Variants in FAM193A observed in about 807,000 individuals in gnomAD.
FAM193A encodes protein FAM193A.
A neutral mutation model predicts 126.5 loss-of-function variants in FAM193A; 22 were observed. The ratio of observed to expected loss-of-function variants is 0.17; its 90% CI spans 0.12 to 0.25. The LOEUF is 0.25. Ranked by LOEUF, FAM193A falls within the 10% of genes least tolerant of loss-of-function variation. The pLI, the probability that FAM193A is intolerant of heterozygous loss-of-function variation, is 1.00. For synonymous variants in FAM193A, 761 were observed against 646.8 expected, an observed-to-expected ratio of 1.18 and a Z score of -2.68; for missense variants, 1,675 against 1,672.8, an observed-to-expected ratio of 1.00 and a Z score of -0.02.
intron 1 of FAM193A, among the ~76,000 whole-genome samples, chr4:2,555,268 T>C (rs1006797615): frequency 6.6e-6 from 1 of 152,222 alleles, no homozygotes; most frequent in Non-Finnish European, 1.5e-5. Context: ...GTTCAAATCA[T>C]AGGCCTCTAT....
At chr4:2,670,443 C>T (rs1010660835) in intron 12 of FAM193A, among the ~76,000 whole-genome samples, 1 of 152,026 alleles carries the variant, frequency 6.6e-6, no homozygotes, top group Non-Finnish European at 1.5e-5. Context: ...TATTTATTTC[C>T]TGCATGTGGG....
chr4:2,704,830 C>T (rs1461166978), intron 19 of FAM193A, among the ~76,000 whole-genome samples: 1 of 152,118 alleles, frequency 6.6e-6, no homozygotes, highest in East Asian at 1.9e-4. Context: ...AGGGCTATTT[C>T]TTTTTGTGTG....
chr4:2,560,181 G>C (rs552745507), intron 1 of FAM193A, among the ~76,000 whole-genome samples: 1 of 152,072 alleles, frequency 6.6e-6, no homozygotes, highest in Non-Finnish European at 1.5e-5. Context: ...GACCTCAGGT[G>C]ATCCACCCGC....
At chr4:2,658,833 C>T (rs920786821) in intron 8 of FAM193A, among the ~76,000 whole-genome samples, 2 of 152,216 alleles carry the variant, frequency 1.3e-5, no homozygotes, top group African/African-American at 4.8e-5. Context: ...TCACTGCAAC[C>T]TCTGCCTCCC....
chr4:2,707,713 A>ATTTTTTT (rs752751839), intron 19 of FAM193A, among the ~76,000 whole-genome samples: 1 of 130,822 alleles, frequency 7.6e-6, no homozygotes, highest in Non-Finnish European at 1.6e-5. Flanking sequence ...TATATTTCTT[A>ATTTTTTT]TTTTTTTTTT....
chr4:2,672,502 C>A, intron 13 of FAM193A, 130 bp downstream of exon 13: 1 of 929,752 alleles, frequency 1.1e-6, no homozygotes, highest in Non-Finnish European at 1.6e-6. Context: ...AGGAAGGTCT[C>A]CAAGTGTTTC....
chr4:2,602,211 A>AT (rs1489585412), intron 2 of FAM193A, among the ~76,000 whole-genome samples: 4 of 142,554 alleles, frequency 2.8e-5, no homozygotes, highest in East Asian at 1.9e-4. Flanking sequence ...GGTGAATGTG[A>AT]TTTAAAAAAA....
At chr4:2,606,283 C>T (rs1252346704) in intron 2 of FAM193A, among the ~76,000 whole-genome samples, 2 of 151,878 alleles carry the variant, frequency 1.3e-5, no homozygotes, top group East Asian at 1.9e-4. Flanking sequence ...AAATACTGAC[C>T]TCGTGATCCA....
chr4:2,579,048 G>A (rs1045078560), intron 1 of FAM193A, among the ~76,000 whole-genome samples: 1 of 151,826 alleles, frequency 6.6e-6, no homozygotes. Context: ...AAAAGAGATG[G>A]GGGTCTTGCT....
At chr4:2,539,714 G>C (rs1364718261) in intron 1 of FAM193A, among the ~76,000 whole-genome samples, 5 of 152,028 alleles carry the variant, frequency 3.3e-5, no homozygotes. Flanking sequence ...GCCTATCAAG[G>C]TTTTTGACCA....
At chr4:2,685,167 G>T (rs1715592390) in intron 13 of FAM193A, among the ~76,000 whole-genome samples, 1 of 152,152 alleles carries the variant, frequency 6.6e-6, no homozygotes, top group Non-Finnish European at 1.5e-5. Flanking sequence ...AGTGGCCACT[G>T]GGTTCTGGCC....
At chr4:2,651,031 G>A (rs886355234) in intron 7 of FAM193A, among the ~76,000 whole-genome samples, 3 of 152,102 alleles carry the variant, frequency 2.0e-5, no homozygotes, top group Admixed American at 2.0e-4. Flanking sequence ...TTTTCACACT[G>A]CTATAAAGAA....
chr4:2,665,346 T>C (rs190217465), intron 12 of FAM193A, among the ~76,000 whole-genome samples: 26 of 152,340 alleles, frequency 1.7e-4, no homozygotes, highest in Admixed American at 3.3e-4. Context: ...CTAGTAGGGT[T>C]GGTTCTAGTA....
At chr4:2,608,098 T>C (rs1741650230) in intron 2 of FAM193A, 3 of 1,609,336 alleles carry the variant, frequency 1.9e-6, no homozygotes, top group Non-Finnish European at 2.5e-6. Flanking sequence ...CCCAGATTAG[T>C]GCTTCCACGA....
intron 13 of FAM193A, among the ~76,000 whole-genome samples, chr4:2,674,166 A>G (rs17164088): frequency 0.34 from 52,437 of 152,160 alleles, 10,683 homozygotes; most frequent in Admixed American, 0.54. Context: ...ATAAGATACA[A>G]TTATCAAAAT....
intron 13 of FAM193A, 94 bp from the exon 14 acceptor site, chr4:2,689,412 G>A: frequency 1.1e-6 from 1 of 875,342 alleles, no homozygotes. Flanking sequence ...CATCCCATGA[G>A]GCTCATAATG....
chr4:2,661,091 G>A (rs557533707), intron 10 of FAM193A, among the ~76,000 whole-genome samples: 14 of 152,152 alleles, frequency 9.2e-5, no homozygotes, highest in Non-Finnish European at 1.6e-4. Context: ...AGCTGCTGAT[G>A]TCAGTTATGG....
chr4:2,575,147 C>T (rs1007848363), intron 1 of FAM193A, among the ~76,000 whole-genome samples: 6 of 151,992 alleles, frequency 3.9e-5, no homozygotes, highest in African/African-American at 1.4e-4. Flanking sequence ...AGCTTCAGGG[C>T]GAAGGTGGCC....
At chr4:2,557,416 A>G (rs1489338573) in intron 1 of FAM193A, among the ~76,000 whole-genome samples, 1 of 152,218 alleles carries the variant, frequency 6.6e-6, no homozygotes, top group African/African-American at 2.4e-5. Flanking sequence ...CTAAGAAATT[A>G]GCATTGGTAC....
Sources: allele counts gnomAD v4.1 joint callset (sites outside exome capture counted in the v4.1 genomes callset), GRCh38; gene constraint gnomAD v4.1.1; transcripts MANE v1.5; gene names NCBI Gene and HGNC (gene_info 2026-07-23, HGNC 2026-07-21).